Variants in AGBL4 observed in about 807,000 individuals in gnomAD.
AGBL4 encodes the protein cytosolic carboxypeptidase 6.
Under a neutral mutation model 66.4 loss-of-function variants are expected in AGBL4, and 58 were observed. The observed-to-expected ratio is 0.87, with a 90% CI of 0.71 to 1.09. The LOEUF (loss-of-function observed/expected upper bound fraction) is 1.09. AGBL4 is among the 50% of genes least tolerant of loss of function. The probability of loss-of-function intolerance (pLI) is 0.00; values close to 1 mark genes in which losing one functional copy is unlikely to be tolerated. For synonymous variants in AGBL4, 234 were observed against 222.9 expected, an observed-to-expected ratio of 1.05 and a Z score of -0.44; for missense variants, 579 against 631.0, an observed-to-expected ratio of 0.92 and a Z score of 0.88.
In AGBL4 at chr1:49,776,671, T is replaced by C. The variant is rs1312309831; in HGVS notation, c.157+74725A>G. Among the ~76,000 whole-genome samples the C allele has an allele frequency of 2.6e-5, 4 of 152,152 alleles. No individual in the cohort carries two copies. The East Asian group carries it at 7.7e-4, about 29-fold the overall frequency. ...CTTTGCTTTCAAACTTCATTTTAAA[T>C]GTCATTTCATCAAAGGAGGTCTTTT... On this transcript the variant is annotated intron_variant, in intron 2 of 13. Coordinates refer to ENST00000371839, the MANE Select transcript of AGBL4 (RefSeq NM_032785.4).
intron 3 of AGBL4, among the ~76,000 whole-genome samples, chr1:49,442,175 TGAGA>T (rs146900583): frequency 2.0e-4 from 30 of 149,958 alleles, no homozygotes; most frequent in African/African-American, 6.8e-4. Flanking sequence ...AAGCTGGGCC[TGAGA>T]GAGAGAGAGA....
At chr1:49,339,925 T>C (rs1445531932) in intron 3 of AGBL4, among the ~76,000 whole-genome samples, 1 of 152,182 alleles carries the variant, frequency 6.6e-6, no homozygotes, top group East Asian at 1.9e-4. Context: ...GTGGTAGGTA[T>C]TGGTTGGATA....
chr1:49,576,608 C>T (rs1024413695), intron 3 of AGBL4, among the ~76,000 whole-genome samples: 6 of 152,176 alleles, frequency 3.9e-5, no homozygotes, highest in Non-Finnish European at 7.3e-5. Context: ...TGCATTCTGA[C>T]TCATCTAGCC....
chr1:49,597,575 G>T (rs1392787131), intron 3 of AGBL4, among the ~76,000 whole-genome samples: 2 of 152,172 alleles, frequency 1.3e-5, no homozygotes, highest in African/African-American at 2.4e-5. Context: ...GGAGTATGCA[G>T]AAGGAAAGAC....
intron 1 of AGBL4, among the ~76,000 whole-genome samples, chr1:50,022,976 C>A (rs1280737112): frequency 6.6e-6 from 1 of 152,202 alleles, no homozygotes; most frequent in East Asian, 1.9e-4. Flanking sequence ...GGAATAGGAT[C>A]CTGGGTCTCC....
At chr1:48,661,991 A>T (rs1282641977) in intron 7 of AGBL4, among the ~76,000 whole-genome samples, 2 of 152,214 alleles carry the variant, frequency 1.3e-5, no homozygotes, top group Non-Finnish European at 2.9e-5. Flanking sequence ...AGCCTCAGTC[A>T]TGCATCATAC....
intron 1 of AGBL4, among the ~76,000 whole-genome samples, chr1:49,948,536 A>AATATATAAAAATATAAATAAAT (rs1655742906): frequency 3.5e-5 from 2 of 57,502 alleles, no homozygotes; most frequent in African/African-American, 5.1e-5. Context: ...AATATATATA[A>AATATATAAAAATATAAATAAAT]ATATATAAAT....
At chr1:48,943,121 T>C (rs1305294595) in intron 5 of AGBL4, among the ~76,000 whole-genome samples, 1 of 152,178 alleles carries the variant, frequency 6.6e-6, no homozygotes, top group East Asian at 1.9e-4. Flanking sequence ...CCTTGTACAG[T>C]AAACAAACTC....
At chr1:49,804,518 G>C (rs1346525043) in intron 2 of AGBL4, among the ~76,000 whole-genome samples, 30 of 152,124 alleles carry the variant, frequency 2.0e-4, no homozygotes, top group Non-Finnish European at 5.9e-5. Context: ...CTATATGCAA[G>C]TAATTCACAC....
intron 3 of AGBL4, among the ~76,000 whole-genome samples, chr1:49,399,646 T>C (rs1645043529): frequency 6.6e-6 from 1 of 152,170 alleles, no homozygotes; most frequent in South Asian, 2.1e-4. Flanking sequence ...ATGTCTTCTT[T>C]TCAGAAATGT....
chr1:49,030,021 A>T (rs558055855), intron 5 of AGBL4, among the ~76,000 whole-genome samples: 19 of 152,322 alleles, frequency 1.2e-4, no homozygotes, highest in African/African-American at 4.3e-4. Flanking sequence ...ATGAATCATA[A>T]ACATCAATGG....
At chr1:48,849,566 A>T (rs1218030722) in intron 6 of AGBL4, among the ~76,000 whole-genome samples, 1 of 152,302 alleles carries the variant, frequency 6.6e-6, no homozygotes, top group African/African-American at 2.4e-5. Context: ...TTTGCTTCTT[A>T]CCATCTACTC....
intron 4 of AGBL4, among the ~76,000 whole-genome samples, chr1:49,190,447 G>C (rs562620780): frequency 6.6e-6 from 1 of 152,246 alleles, no homozygotes; most frequent in African/African-American, 2.4e-5. Context: ...ATGTTAATTT[G>C]GAAATAAGTT....
intron 3 of AGBL4, 60 bp downstream of exon 3, chr1:49,697,253 A>G (rs1647003474): frequency 4.7e-6 from 7 of 1,473,758 alleles, no homozygotes; most frequent in African/African-American, 1.4e-5. Flanking sequence ...TTTCTAAAAG[A>G]AGACAAAAGC....
intron 3 of AGBL4, among the ~76,000 whole-genome samples, chr1:49,377,347 A>G (rs1047418573): frequency 7.2e-5 from 11 of 152,106 alleles, no homozygotes; most frequent in Non-Finnish European, 1.3e-4. Context: ...CCATCAACCT[A>G]CTGAAGCTGA....
chr1:49,794,932 T>C (rs1644693327), intron 2 of AGBL4, among the ~76,000 whole-genome samples: 1 of 151,914 alleles, frequency 6.6e-6, no homozygotes, highest in Admixed American at 6.6e-5. Context: ...TGCTGGACAA[T>C]TGTTTGTGTT....
intron 6 of AGBL4, among the ~76,000 whole-genome samples, chr1:48,745,072 A>T (rs1650528157): frequency 6.6e-6 from 1 of 152,198 alleles, no homozygotes; most frequent in Non-Finnish European, 1.5e-5. Flanking sequence ...TCAACATTAG[A>T]CTATAAAGCT....
intron 3 of AGBL4, among the ~76,000 whole-genome samples, chr1:49,260,298 A>G (rs1411544301): frequency 6.6e-6 from 1 of 151,120 alleles, no homozygotes; most frequent in African/African-American, 2.4e-5. Context: ...GGCAAGAAAT[A>G]ACTAAAATCA....
chr1:49,941,755 T>TG (rs1557602056), intron 1 of AGBL4, among the ~76,000 whole-genome samples: 1 of 152,062 alleles, frequency 6.6e-6, no homozygotes, highest in Non-Finnish European at 1.5e-5. Flanking sequence ...AGACCATATA[T>TG]GGCAAGCCCA....
Sources: allele counts gnomAD v4.1 joint callset (sites outside exome capture counted in the v4.1 genomes callset), GRCh38; gene constraint gnomAD v4.1.1; transcripts MANE v1.5; gene names NCBI Gene and HGNC (gene_info 2026-07-23, HGNC 2026-07-21).